The following FBXO4 variants were observed in gnomAD, a reference collection of about 807,000 sequenced individuals.
The protein encoded by FBXO4 is F-box only protein 4.
FBXO4 carries 36 observed loss-of-function variants against 43.7 expected under a neutral mutation model. That is an observed-to-expected ratio of 0.82 (90% CI 0.63 to 1.09). The LOEUF (loss-of-function observed/expected upper bound fraction) is 1.09, where lower values mean the gene tolerates loss of function less well. Ranked by LOEUF, FBXO4 falls within the 50% of genes least tolerant of loss-of-function variation. The pLI, the probability that FBXO4 is intolerant of heterozygous loss-of-function variation, is 0.00. For missense variants in FBXO4, 435 were observed against 474.1 expected (o/e 0.92, Z 0.77); for synonymous variants, 180 against 165.6 (o/e 1.09, Z -0.67).
downstream of FBXO4, among the ~76,000 whole-genome samples, chr5:41,945,681 A>AG (rs1752067663): frequency 6.6e-6 from 1 of 152,192 alleles, no homozygotes; most frequent in African/African-American, 2.4e-5. Context: ...GAGAGCCTAT[A>AG]AATGGATATG....
chr5:41,983,924 T>C, the FBXO4 span, among the ~76,000 whole-genome samples: 1 of 152,096 alleles, frequency 6.6e-6, no homozygotes, highest in Admixed American at 6.5e-5. Context: ...GTCCCCATGG[T>C]GTAAATCTCA....
chr5:41,975,625 C>T, the FBXO4 span, among the ~76,000 whole-genome samples: 2 of 152,146 alleles, frequency 1.3e-5, no homozygotes, highest in South Asian at 2.1e-4. Context: ...TAAGCTGGTA[C>T]CTCACTATAC....
At chr5:41,976,511 T>C in the FBXO4 span, among the ~76,000 whole-genome samples, 188 of 152,296 alleles carry the variant, frequency 1.2e-3, 5 homozygotes, top group South Asian at 0.038. Context: ...AAAGGGGTAA[T>C]AGGCCCCATG....
the FBXO4 span, among the ~76,000 whole-genome samples, chr5:42,020,835 A>G: frequency 1.3e-5 from 2 of 152,152 alleles, no homozygotes; most frequent in Non-Finnish European, 2.9e-5. Context: ...AGGGAAAGGG[A>G]GTTAGAATGG....
At chr5:42,028,859 CT>C in the FBXO4 span, among the ~76,000 whole-genome samples, 1 of 151,504 alleles carries the variant, frequency 6.6e-6, no homozygotes, top group Non-Finnish European at 1.5e-5. Context: ...CGCTTTTTAC[CT>C]TTTTTTGTTT....
At chr5:42,010,155 C>T in the FBXO4 span, among the ~76,000 whole-genome samples, 1 of 152,036 alleles carries the variant, frequency 6.6e-6, no homozygotes, top group Non-Finnish European at 1.5e-5. Context: ...TCTTTTATTT[C>T]ACTTAGCATA....
chr5:41,967,207 T>G, the FBXO4 span: 313 of 496,682 alleles, frequency 6.3e-4, 1 homozygote, highest in African/African-American at 5.8e-3. Flanking sequence ...CACTTTTTTT[T>G]TGTGGCAATT....
intron 6 of FBXO4, 113 bp downstream of exon 6, chr5:41,939,729 T>A: frequency 1.2e-6 from 1 of 820,702 alleles, no homozygotes; most frequent in African/African-American, 1.7e-5. Flanking sequence ...AAGTCAATTT[T>A]AATAGCTTAA....
chr5:41,926,742 G>A (rs764285893), intron 1 of FBXO4, among the ~76,000 whole-genome samples: 20 of 152,192 alleles, frequency 1.3e-4, no homozygotes, highest in African/African-American at 1.4e-4. Context: ...TGGTGATTTT[G>A]CTGGAAAAAT....
chr5:41,979,199 C>T, the FBXO4 span, among the ~76,000 whole-genome samples: 1 of 152,142 alleles, frequency 6.6e-6, no homozygotes, highest in Non-Finnish European at 1.5e-5. Flanking sequence ...ATACTGTTGC[C>T]ATCCAGACAA....
At chr5:41,997,349 C>A in the FBXO4 span, among the ~76,000 whole-genome samples, 4 of 152,172 alleles carry the variant, frequency 2.6e-5, no homozygotes, top group Non-Finnish European at 5.9e-5. Context: ...TATCCCTGTG[C>A]CTTTCAAGTT....
the FBXO4 span, among the ~76,000 whole-genome samples, chr5:41,998,748 T>C: frequency 1.3e-5 from 2 of 152,134 alleles, no homozygotes; most frequent in Non-Finnish European, 2.9e-5. Flanking sequence ...GTTTACAAAC[T>C]CAGTGACACC....
intron 5 of FBXO4, chr5:41,934,710 A>G (rs1304606579): frequency 1.8e-5 from 19 of 1,047,524 alleles, no homozygotes; most frequent in Non-Finnish European, 2.2e-5. Context: ...TATTCAAATA[A>G]TCTATGCAAA....
At chr5:41,932,031 G>C (rs1285281903) in intron 3 of FBXO4, among the ~76,000 whole-genome samples, 1 of 152,178 alleles carries the variant, frequency 6.6e-6, no homozygotes, top group Admixed American at 6.5e-5. Flanking sequence ...TGCAGGAGAA[G>C]CCTCACCTAG....
the FBXO4 span, among the ~76,000 whole-genome samples, chr5:42,032,608 G>C: frequency 6.6e-6 from 1 of 152,134 alleles, no homozygotes; most frequent in Non-Finnish European, 1.5e-5. Flanking sequence ...TGCCTGATGT[G>C]AGACTCACGC....
At chr5:41,960,479 T>C in the FBXO4 span, among the ~76,000 whole-genome samples, 1 of 152,138 alleles carries the variant, frequency 6.6e-6, no homozygotes, top group Admixed American at 6.5e-5. Context: ...CGATATTAGC[T>C]GTGGGCTTCT....
the FBXO4 span, among the ~76,000 whole-genome samples, chr5:41,948,792 T>C: frequency 2.6e-5 from 4 of 152,208 alleles, no homozygotes. Flanking sequence ...GCTTCATTTA[T>C]ATTCCTTTTA....
the FBXO4 span, among the ~76,000 whole-genome samples, chr5:41,985,770 A>G: frequency 5.9e-5 from 9 of 152,158 alleles, no homozygotes; most frequent in Admixed American, 5.9e-4. Flanking sequence ...AGCTCATTTA[A>G]GAGCTTAACA....
At chr5:42,013,327 TAA>T in the FBXO4 span, among the ~76,000 whole-genome samples, 2 of 152,150 alleles carry the variant, frequency 1.3e-5, no homozygotes, top group Non-Finnish European at 2.9e-5. Flanking sequence ...CCATTCAAAT[TAA>T]AAAGAGGATA....
Sources: allele counts gnomAD v4.1 joint callset (sites outside exome capture counted in the v4.1 genomes callset), GRCh38; gene constraint gnomAD v4.1.1; transcripts MANE v1.5; gene names NCBI Gene and HGNC (gene_info 2026-07-23, HGNC 2026-07-21).